The following RNF144A variants were observed in gnomAD, a reference collection of about 807,000 sequenced individuals.
RNF144A encodes ring finger protein 144A, also known as E3 ubiquitin-protein ligase RNF144A.
RNF144A carries 11 observed loss-of-function variants against 38.7 expected under a neutral mutation model. The ratio of observed to expected loss-of-function variants is 0.28; its 90% CI spans 0.18 to 0.47. The LOEUF (loss-of-function observed/expected upper bound fraction) is 0.47. RNF144A is among the 20% of genes least tolerant of loss of function. The pLI is 0.99. For missense variants in RNF144A, 316 were observed against 377.2 expected, an observed-to-expected ratio of 0.84 and a Z score of 1.34; for synonymous variants, 149 against 143.9, an observed-to-expected ratio of 1.04 and a Z score of -0.25.
At chr2:7,052,498 T>C (rs1235600581) in intron 6 of RNF144A, among the ~76,000 whole-genome samples, 1 of 152,118 alleles carries the variant, frequency 6.6e-6, no homozygotes, top group Non-Finnish European at 1.5e-5. Context: ...CACTGAATCA[T>C]TGTGTTGGCT....
At chr2:6,926,689 A>G (rs2103273696) in intron 1 of RNF144A, among the ~76,000 whole-genome samples, 1 of 152,364 alleles carries the variant, frequency 6.6e-6, no homozygotes, top group East Asian at 1.9e-4. Flanking sequence ...GGAGGCGCTC[A>G]ATAAATATTT....
chr2:6,921,632 G>C (rs948810651), intron 1 of RNF144A, among the ~76,000 whole-genome samples: 4 of 152,328 alleles, frequency 2.6e-5, no homozygotes, highest in African/African-American at 9.6e-5. Flanking sequence ...CCTTGAGGAG[G>C]CTGTAGTCTA....
At chr2:6,970,367 G>A (rs1667931690) in intron 2 of RNF144A, among the ~76,000 whole-genome samples, 1 of 152,114 alleles carries the variant, frequency 6.6e-6, no homozygotes, top group Non-Finnish European at 1.5e-5. Context: ...TGCCATCCAC[G>A]TACAATGTGA....
At chr2:7,038,353 G>C (rs1672816081) in intron 8 of RNF144A, among the ~76,000 whole-genome samples, 1 of 152,190 alleles carries the variant, frequency 6.6e-6, no homozygotes, top group Non-Finnish European at 1.5e-5. Context: ...CACATGGCGG[G>C]GGTGTGTGGG....
At chr2:7,074,128 A>G in the RNF144A span, among the ~76,000 whole-genome samples, 2 of 152,230 alleles carry the variant, frequency 1.3e-5, no homozygotes, top group Admixed American at 6.5e-5. Flanking sequence ...CACATGAAAC[A>G]CATTAAATCA....
chr2:6,948,198 C>A (rs1040136199), intron 2 of RNF144A, among the ~76,000 whole-genome samples: 1 of 152,150 alleles, frequency 6.6e-6, no homozygotes, highest in South Asian at 2.1e-4. Context: ...GAGGAGAATA[C>A]TCTGATGGTG....
At chr2:7,028,193 A>C (rs72783713) in intron 7 of RNF144A, among the ~76,000 whole-genome samples, 4,117 of 152,254 alleles carry the variant, frequency 0.027, 78 homozygotes, top group Middle Eastern at 0.078. Flanking sequence ...GAGTTTGTTC[A>C]CCAGAGAGGA....
chr2:7,068,034 C>G (rs1030926837), intron 6 of RNF144A, among the ~76,000 whole-genome samples: 2 of 152,228 alleles, frequency 1.3e-5, no homozygotes, highest in Non-Finnish European at 2.9e-5. Context: ...GGTCCCCACC[C>G]TGCTCCTTGG....
chr2:6,968,693 G>T (rs370328332), intron 2 of RNF144A, among the ~76,000 whole-genome samples: 3 of 149,946 alleles, frequency 2.0e-5, no homozygotes, highest in Admixed American at 6.6e-5. Flanking sequence ...CTGTCAATGT[G>T]TTTTTTTTTT....
In RNF144A at chr2:6,930,685, G is replaced by C. The variant is rs188305613; in HGVS notation, c.-211-10263G>C. Among the ~76,000 whole-genome samples the C allele has an allele frequency of 1.3e-3, 201 of 151,984 alleles. 1 individual carries two copies. The highest frequency in any genetic ancestry group is 4.6e-3 in the African/African-American group (191 of 41,448). Reference sequence around the variant, plus strand: ...CAGCTCACTACAGCTTTGATCTCTGGGGCTCAAGCAATCCTCCCACCTCAG... The same window carrying C: ...CAGCTCACTACAGCTTTGATCTCTGCGGCTCAAGCAATCCTCCCACCTCAG... On this transcript the variant is annotated intron_variant, in intron 1 of 8. Coordinates refer to ENST00000320892, the MANE Select transcript of RNF144A (RefSeq NM_014746.6).
intron 8 of RNF144A, 42 bp downstream of exon 8, chr2:7,030,257 CTGTGTGTGTGTGTGTGTGTGTGTGTG>C (rs58324246): frequency 1.3e-4 from 95 of 724,930 alleles, no homozygotes; most frequent in Non-Finnish European, 2.0e-4. Context: ...CAGAGAGAGA[CTGTGTGTGTGTGTGTGTGTGTGTGTG>C]TGTGTGTGTG....
At chr2:6,930,434 T>A (rs920541069) in intron 1 of RNF144A, among the ~76,000 whole-genome samples, 1 of 152,070 alleles carries the variant, frequency 6.6e-6, no homozygotes, top group South Asian at 2.1e-4. Context: ...AAAAAATTAA[T>A]TGTAAATTCA....
In RNF144A at chr2:7,043,854, A is replaced by C; in HGVS notation, c.*4094A>C. The C allele has an allele frequency of 2.0e-6, 2 of 985,782 alleles. No individual in the cohort carries two copies. The highest frequency in any genetic ancestry group is 2.4e-6 in the Non-Finnish European group (2 of 829,908). 61.1% of individuals were successfully genotyped at this position (985,782 alleles called of 1,614,324 possible). On this transcript the variant is annotated 3_prime_UTR_variant, in exon 9 of 9. Transcript: ENST00000320892. Reference sequence around the variant, plus strand: ...CTCACTTTACTATGGGTGTATTTTAATCTTGTATAAAAATATGCATGAATG... The same window carrying C: ...CTCACTTTACTATGGGTGTATTTTACTCTTGTATAAAAATATGCATGAATG...
intron 8 of RNF144A, 56 bp downstream of exon 8, chr2:7,030,271 G>GTT: frequency 1.6e-6 from 1 of 631,184 alleles, no homozygotes; most frequent in Non-Finnish European, 2.5e-6. Flanking sequence ...GTGTGTGTGT[G>GTT]TGTGTGTGTG....
intron 1 of RNF144A, among the ~76,000 whole-genome samples, chr2:6,927,716 T>A (rs569490770): frequency 3.3e-5 from 5 of 152,296 alleles, no homozygotes; most frequent in African/African-American, 1.2e-4. Context: ...GAATGTAGAG[T>A]ACCCAGTCAT....
At chr2:6,969,770 G>A (rs1158238427) in intron 2 of RNF144A, among the ~76,000 whole-genome samples, 1 of 152,126 alleles carries the variant, frequency 6.6e-6, no homozygotes, top group East Asian at 1.9e-4. Flanking sequence ...CTTTTTGTTT[G>A]TTTGTTTGTT....
Position 7,043,414 on chromosome 2 carries a change from G to A in RNF144A, c.*3654G>A. Reference sequence around the variant, plus strand: ...TTAGGGGATTGAAAGGATCCAGGATGGGCTTTGTGTGTGTGTCTCAGATTC... The same window carrying A: ...TTAGGGGATTGAAAGGATCCAGGATAGGCTTTGTGTGTGTGTCTCAGATTC... On this transcript the variant is annotated 3_prime_UTR_variant, in exon 9 of 9. Transcript: ENST00000320892. 1 of 985,666 alleles carries A rather than the reference G, an allele frequency of 1.0e-6. No individual in the cohort carries two copies. The allele number at this position is 985,666 out of a possible 1,614,324, so 61.1% of individuals were successfully genotyped here.
intron 2 of RNF144A, among the ~76,000 whole-genome samples, chr2:6,952,884 T>A (rs1366312446): frequency 6.6e-6 from 1 of 152,146 alleles, no homozygotes; most frequent in Non-Finnish European, 1.5e-5. Context: ...AATTGTTCTT[T>A]TTTCTTCCTC....
At chr2:6,969,520 A>G (rs1373735900) in intron 2 of RNF144A, among the ~76,000 whole-genome samples, 1 of 152,188 alleles carries the variant, frequency 6.6e-6, no homozygotes, top group East Asian at 1.9e-4. Flanking sequence ...GTGAGAAAAT[A>G]CATTTCTGTT....
Sources: gnomAD v4.1 joint callset for allele counts (sites outside exome capture counted in the v4.1 genomes callset) on GRCh38, gnomAD v4.1.1 for gene constraint, MANE v1.5 for transcripts, NCBI Gene and HGNC (gene_info 2026-07-23, HGNC 2026-07-21) for gene names.